SLC24A3: variants seen among roughly 807,000 people sequenced by gnomAD.
SLC24A3 encodes solute carrier family 24 member 3.
Under a neutral mutation model 75.8 loss-of-function variants are expected in SLC24A3, and 28 were observed. The observed-to-expected ratio is 0.37, with a 90% CI of 0.27 to 0.51. SLC24A3 has a LOEUF of 0.51. SLC24A3 is among the 20% of genes least tolerant of loss of function. The pLI is 0.94. For missense variants in SLC24A3, 663 were observed against 847.8 expected (o/e 0.78, Z 2.71); for synonymous variants, 372 against 334.1 (o/e 1.11, Z -1.24).
chr20:19,234,012 T>C (rs560368402), intron 1 of SLC24A3, among the ~76,000 whole-genome samples: 165 of 152,358 alleles, frequency 1.1e-3, no homozygotes, highest in African/African-American at 3.9e-3. Context: ...GCCAGAGTAA[T>C]ATGGTTTTGC....
At chr20:19,397,641 T>A (rs3838373) in intron 2 of SLC24A3, among the ~76,000 whole-genome samples, 1 of 113,818 alleles carries the variant, frequency 8.8e-6, no homozygotes, top group Non-Finnish European at 1.7e-5. Context: ...GCTTTTTTTT[T>A]CTTTTCTTTT....
rs1282892156 is a variant in SLC24A3 at position 19,346,168 on chromosome 20, ATGG to A, written c.271+65083_271+65085del. ...GTGTATATATATATGGTGTATATAT[ATGG>A]TATATATATATGGTGTATATATATA... On this transcript the variant is annotated intron_variant, in intron 2 of 16. Transcript: ENST00000328041. 3.9e-5 allele frequency among the ~76,000 whole-genome samples: 4 copies of A among 102,374 alleles called. 1 individual carries two copies. Among genetic ancestry groups the A allele is most frequent in the Non-Finnish European group, 7.4e-5 (4 of 53,916 alleles). 67.2% of individuals were successfully genotyped at this position (102,374 alleles called of 152,430 possible).
intron 2 of SLC24A3, among the ~76,000 whole-genome samples, chr20:19,376,983 C>A (rs1317864406): frequency 1.3e-5 from 2 of 152,184 alleles, no homozygotes; most frequent in African/African-American, 4.8e-5. Flanking sequence ...AGAGGAAATG[C>A]CACCGGCCTG....
chr20:19,462,573 C>T (rs570065930), intron 2 of SLC24A3, among the ~76,000 whole-genome samples: 10 of 152,320 alleles, frequency 6.6e-5, no homozygotes, highest in East Asian at 3.9e-4. Flanking sequence ...CCTGAGTCCC[C>T]GCTGGGATGA....
At chr20:19,529,920 T>C (rs1429270577) in intron 3 of SLC24A3, among the ~76,000 whole-genome samples, 2 of 152,146 alleles carry the variant, frequency 1.3e-5, no homozygotes, top group Non-Finnish European at 1.5e-5. Flanking sequence ...ATACCAAAAA[T>C]GGCAAGAAGT....
chr20:19,554,911 G>A (rs767649505), intron 3 of SLC24A3, among the ~76,000 whole-genome samples: 11 of 152,124 alleles, frequency 7.2e-5, no homozygotes, highest in East Asian at 1.9e-4. Context: ...TAAAGGGAGC[G>A]TAGAATGGCA....
rs534683979 is a variant in SLC24A3 at position 19,405,689 on chromosome 20, T to A, written c.272-109799T>A. On this transcript the variant is annotated intron_variant, in intron 2 of 16. Transcript: ENST00000328041. ...TTCCCAATAGTGCATTTGGTTTCAGTGCTGTTTCCAACCAGTTTAAAACAA... is the reference window on the plus strand; with the variant it reads ...TTCCCAATAGTGCATTTGGTTTCAGAGCTGTTTCCAACCAGTTTAAAACAA... 2.6e-5 allele frequency among the ~76,000 whole-genome samples: 4 copies of A among 152,306 alleles called. No individual in the cohort carries two copies. In the South Asian group the frequency reaches 8.3e-4, roughly 32 times the overall value.
chr20:19,361,491 A>C (rs888007651), intron 2 of SLC24A3, among the ~76,000 whole-genome samples: 18 of 152,224 alleles, frequency 1.2e-4, no homozygotes, highest in African/African-American at 3.4e-4. Context: ...TGACAGTGGG[A>C]TTGACTAGGA....
chr20:19,479,054 G>A (rs1352247083), intron 2 of SLC24A3, among the ~76,000 whole-genome samples: 1 of 152,258 alleles, frequency 6.6e-6, no homozygotes. Flanking sequence ...GCAGGTCTCT[G>A]AGGATGGTGT....
intron 6 of SLC24A3, among the ~76,000 whole-genome samples, chr20:19,600,905 C>G (rs1358832196): frequency 6.6e-6 from 1 of 152,154 alleles, no homozygotes; most frequent in Non-Finnish European, 1.5e-5. Flanking sequence ...AAGTGATCCC[C>G]CCACTTCTGC....
chr20:19,458,617 G>A (rs1987618577), intron 2 of SLC24A3, among the ~76,000 whole-genome samples: 1 of 152,074 alleles, frequency 6.6e-6, no homozygotes, highest in Non-Finnish European at 1.5e-5. Context: ...CATATAAGTG[G>A]AATCATACAG....
intron 3 of SLC24A3, among the ~76,000 whole-genome samples, chr20:19,516,584 T>C (rs2029994406): frequency 6.6e-6 from 1 of 152,160 alleles, no homozygotes; most frequent in Non-Finnish European, 1.5e-5. Flanking sequence ...CTAAAGGGTT[T>C]CTCTCTCCCA....
At chr20:19,671,080 C>T (rs2032460756) in intron 8 of SLC24A3, among the ~76,000 whole-genome samples, 1 of 152,082 alleles carries the variant, frequency 6.6e-6, no homozygotes, top group South Asian at 2.1e-4. Context: ...AGAACATAAA[C>T]AGGGTCATGT....
intron 2 of SLC24A3, among the ~76,000 whole-genome samples, chr20:19,423,449 G>C (rs1986950224): frequency 6.6e-6 from 1 of 152,322 alleles, no homozygotes; most frequent in South Asian, 2.1e-4. Flanking sequence ...AACTTTGCAG[G>C]ATGCTTTCCT....
At chr20:19,545,402 G>A (rs1204374064) in intron 3 of SLC24A3, among the ~76,000 whole-genome samples, 2 of 152,204 alleles carry the variant, frequency 1.3e-5, no homozygotes, top group African/African-American at 4.8e-5. Context: ...CCTGGCATCC[G>A]CACTTGGACA....
chr20:19,679,059 T>C, intron 9 of SLC24A3, among the ~76,000 whole-genome samples: 1 of 142,626 alleles, frequency 7.0e-6, no homozygotes, highest in African/African-American at 2.6e-5. Flanking sequence ...TCCCAGACGA[T>C]GGGCGGCCAG....
chr20:19,532,281 C>A (rs964865478), intron 3 of SLC24A3, among the ~76,000 whole-genome samples: 10 of 152,212 alleles, frequency 6.6e-5, no homozygotes, highest in Non-Finnish European at 4.4e-5. Context: ...AAGCACAAAG[C>A]AGGGCTGGAT....
intron 7 of SLC24A3, among the ~76,000 whole-genome samples, chr20:19,662,133 CT>C (rs1555805364): frequency 6.6e-6 from 1 of 152,226 alleles, no homozygotes; most frequent in Non-Finnish European, 1.5e-5. Context: ...CAGAGGCCCC[CT>C]GACCAGCTGG....
At chr20:19,713,744 G>A (rs967097484) in intron 15 of SLC24A3, among the ~76,000 whole-genome samples, 54 of 152,162 alleles carry the variant, frequency 3.5e-4, no homozygotes, top group Admixed American at 2.6e-4. Flanking sequence ...ACCAGGCCCT[G>A]TTCAACAGTT....
Sources: gnomAD v4.1 joint callset for allele counts (sites outside exome capture counted in the v4.1 genomes callset) on GRCh38, gnomAD v4.1.1 for gene constraint, MANE v1.5 for transcripts, NCBI Gene and HGNC (gene_info 2026-07-23, HGNC 2026-07-21) for gene names.